The following LRGUK variants were observed in gnomAD, a reference collection of about 807,000 sequenced individuals.
LRGUK encodes leucine-rich repeat and guanylate kinase domain-containing protein.
In LRGUK, 65 loss-of-function variants were observed where a neutral mutation model predicts 76.0. The observed-to-expected ratio is 0.85, with a 90% CI of 0.70 to 1.05. LRGUK has a LOEUF of 1.05. Ranked by LOEUF, LRGUK falls within the 50% of genes least tolerant of loss-of-function variation. The pLI, the probability that LRGUK is intolerant of heterozygous loss-of-function variation, is 0.00. For missense variants in LRGUK, 758 were observed against 732.8 expected (o/e 1.03, Z -0.40); for synonymous variants, 268 against 265.6 (o/e 1.01, Z -0.09).
chr7:134,127,539 T>G (rs753970110), exon 1 of LRGUK: 2 of 1,614,060 alleles, frequency 1.2e-6, no homozygotes, highest in East Asian at 2.2e-5. Context: ...TAACATAGCC[T>G]CCTCCTACCT....
In LRGUK at chr7:134,263,841, A is replaced by G; in HGVS notation, c.2348-4A>G. Reference sequence around the variant, plus strand: ...AACTATCTTTTTTTCTGAATGTTTTACAGCACTACCTATACAATCATTTTC... The same window carrying G: ...AACTATCTTTTTTTCTGAATGTTTTGCAGCACTACCTATACAATCATTTTC... On this transcript the variant is annotated splice_polypyrimidine_tract_variant and splice_region_variant and intron_variant, in intron 19 of 19. Transcript: ENST00000285928. 6.2e-7 allele frequency: 1 copy of G among 1,601,024 alleles called. No individual in the cohort carries two copies. Among genetic ancestry groups the G allele is most frequent in the Non-Finnish European group, 8.5e-7 (1 of 1,174,490 alleles).
chr7:134,211,722 A>T (rs910063037), downstream of LRGUK, among the ~76,000 whole-genome samples: 1 of 152,196 alleles, frequency 6.6e-6, no homozygotes, highest in Non-Finnish European at 1.5e-5. Context: ...ATTAATGGGG[A>T]GAACATTTAA....
intron 8 of LRGUK, among the ~76,000 whole-genome samples, chr7:134,175,763 T>G (rs903619290): frequency 6.6e-6 from 1 of 152,190 alleles, no homozygotes; most frequent in Non-Finnish European, 1.5e-5. Context: ...ATCTAATGTC[T>G]TTCCCCTCAA....
intron 5 of LRGUK, among the ~76,000 whole-genome samples, chr7:134,154,162 A>G (rs1463245603): frequency 6.6e-6 from 1 of 152,224 alleles, no homozygotes; most frequent in Non-Finnish European, 1.5e-5. Context: ...ATGCGGTATG[A>G]TGATTTTGAG....
chr7:134,157,710 A>C (rs1798542459), intron 5 of LRGUK, among the ~76,000 whole-genome samples: 1 of 152,158 alleles, frequency 6.6e-6, no homozygotes, highest in Non-Finnish European at 1.5e-5. Flanking sequence ...TTTTTAGTAG[A>C]GACGGGGTTT....
intron 16 of LRGUK, among the ~76,000 whole-genome samples, chr7:134,241,464 T>C (rs1401459057): frequency 6.6e-6 from 1 of 152,168 alleles, no homozygotes; most frequent in African/African-American, 2.4e-5. Flanking sequence ...AAGAAAGCCA[T>C]TACATAATGG....
chr7:134,237,746 G>T (rs112932250), intron 16 of LRGUK, among the ~76,000 whole-genome samples: 2,562 of 152,280 alleles, frequency 0.017, 79 homozygotes, highest in African/African-American at 0.057. Flanking sequence ...TACTATTGGG[G>T]TGGTTGTCAT....
exon 12 of LRGUK, chr7:134,191,695 G>A (rs1178499253): frequency 2.5e-6 from 4 of 1,613,190 alleles, no homozygotes; most frequent in Admixed American, 1.7e-5. Flanking sequence ...TGGAGAAGGG[G>A]ATCGAGTTGA....
intron 15 of LRGUK, among the ~76,000 whole-genome samples, chr7:134,215,291 T>C (rs920134): frequency 0.083 from 12,684 of 152,186 alleles, 965 homozygotes; most frequent in East Asian, 0.38. Context: ...GGCGCTGAAT[T>C]TCAATTTTTA....
intron 1 of LRGUK, among the ~76,000 whole-genome samples, chr7:134,128,860 CCTTT>C (rs112805027): frequency 0.024 from 3,697 of 152,220 alleles, 159 homozygotes; most frequent in African/African-American, 0.084. Context: ...TAATTTGCTT[CCTTT>C]CTTTCAATAC....
chr7:134,183,379 A>G (rs181435270), intron 10 of LRGUK, among the ~76,000 whole-genome samples: 7 of 152,334 alleles, frequency 4.6e-5, no homozygotes, highest in African/African-American at 1.4e-4. Flanking sequence ...ATAAATATTT[A>G]TCTTAACTTT....
chr7:134,203,509 G>T (rs1038794017), intron 15 of LRGUK, among the ~76,000 whole-genome samples: 10 of 152,270 alleles, frequency 6.6e-5, no homozygotes, highest in African/African-American at 2.4e-4. Flanking sequence ...CAGGTTGAGG[G>T]CCCCTGGTAT....
intron 16 of LRGUK, among the ~76,000 whole-genome samples, chr7:134,222,658 G>T (rs1016751262): frequency 6.6e-6 from 1 of 151,794 alleles, no homozygotes; most frequent in Non-Finnish European, 1.5e-5. Context: ...TGCCAGGCTG[G>T]AGTGCAATGG....
intron 16 of LRGUK, among the ~76,000 whole-genome samples, chr7:134,237,050 C>CTTTT (rs10555261): frequency 1.4e-3 from 102 of 75,082 alleles, no homozygotes; most frequent in African/African-American, 2.1e-3. Context: ...TTTTCTCTTT[C>CTTTT]TTTTTTTTTT....
chr7:134,140,216 C>T (rs554751088), intron 3 of LRGUK, among the ~76,000 whole-genome samples: 3 of 152,228 alleles, frequency 2.0e-5, no homozygotes, highest in East Asian at 3.9e-4. Context: ...GTGATCTGCC[C>T]GCATCAGCCT....
At chr7:134,255,388 G>A (rs1802552168) in intron 18 of LRGUK, among the ~76,000 whole-genome samples, 1 of 152,136 alleles carries the variant, frequency 6.6e-6, no homozygotes, top group African/African-American at 2.4e-5. Context: ...TCAGAGCTGA[G>A]GTCTGAACCA....
At chr7:134,266,699 A>T (rs1802861999), downstream of LRGUK, among the ~76,000 whole-genome samples, 1 of 152,216 alleles carries the variant, frequency 6.6e-6, no homozygotes, top group African/African-American at 2.4e-5. Flanking sequence ...TGGAGTCTAG[A>T]GGAGTACAAA....
intron 2 of LRGUK, among the ~76,000 whole-genome samples, chr7:134,137,377 G>T (rs2116823872): frequency 6.6e-6 from 1 of 152,236 alleles, no homozygotes; most frequent in African/African-American, 2.4e-5. Flanking sequence ...ATCTTAAGTA[G>T]TCTATATTAT....
At chr7:134,166,986 C>T (rs1222013727) in intron 7 of LRGUK, among the ~76,000 whole-genome samples, 1 of 152,164 alleles carries the variant, frequency 6.6e-6, no homozygotes, top group East Asian at 1.9e-4. Context: ...TTAGATTAGG[C>T]CTGTAATGAG....
Sources: gnomAD v4.1 joint callset for allele counts (sites outside exome capture counted in the v4.1 genomes callset) on GRCh38, gnomAD v4.1.1 for gene constraint, MANE v1.5 for transcripts, NCBI Gene and HGNC (gene_info 2026-07-23, HGNC 2026-07-21) for gene names.